TUBGCP3: variants seen among roughly 807,000 people sequenced by gnomAD.
TUBGCP3 encodes the protein tubulin gamma complex component 3, also known as gamma-tubulin complex component 3.
In TUBGCP3, 50 loss-of-function variants were observed where a neutral mutation model predicts 123.1. The ratio of observed to expected loss-of-function variants is 0.41; its 90% CI spans 0.32 to 0.51. TUBGCP3 has a LOEUF of 0.51. TUBGCP3 is among the 20% of genes least tolerant of loss of function. TUBGCP3 has a pLI of 0.36. For missense variants in TUBGCP3, 882 were observed against 1,127.0 expected, an observed-to-expected ratio of 0.78 and a Z score of 3.11; for synonymous variants, 405 against 413.9, an observed-to-expected ratio of 0.98 and a Z score of 0.26.
intron 3 of TUBGCP3, among the ~76,000 whole-genome samples, chr13:112,560,623 A>C (rs1880438284): frequency 6.6e-6 from 1 of 152,250 alleles, no homozygotes; most frequent in Non-Finnish European, 1.5e-5. Context: ...TGCACATGTA[A>C]GTACCTTTAT....
chr13:112,527,085 T>C lies in TUBGCP3; in HGVS notation c.1447-35A>G, dbSNP rs1251656720. 3 of 1,553,960 alleles carry C rather than the reference T, an allele frequency of 1.9e-6. No individual in the cohort carries two copies. In the South Asian group the frequency reaches 3.4e-5, roughly 18 times the overall value. On this transcript the variant is annotated intron_variant, in intron 12 of 21. Transcript: ENST00000261965. The stretch of plus-strand genomic sequence containing the variant: ...AAAACATTCTATGATTACTTTTATG[T>C]AAATTTAAAACGACTGCCCAAATCT...
chr13:112,530,718 G>T lies in TUBGCP3; in HGVS notation c.1336-3234C>A, dbSNP rs1217862376. Among the ~76,000 whole-genome samples, 5 of 151,846 alleles carry T rather than the reference G, an allele frequency of 3.3e-5. No individual in the cohort carries two copies. The South Asian group carries it at 8.3e-4, about 25-fold the overall frequency. ...TCAGAGATCATTTTAATAAGCCTTG[G>T]TGTCAAAAAAAAATTTAATGGCATA... On this transcript the variant is annotated intron_variant, in intron 11 of 21. Transcript: ENST00000261965.
At chr13:112,548,768 A>C (rs1879288035) in intron 8 of TUBGCP3, among the ~76,000 whole-genome samples, 1 of 152,252 alleles carries the variant, frequency 6.6e-6, no homozygotes, top group Non-Finnish European at 1.5e-5. Flanking sequence ...GAGACATGCA[A>C]ATCAAACCAC....
chr13:112,537,687 G>A (rs1280951899), intron 11 of TUBGCP3, among the ~76,000 whole-genome samples: 1 of 152,082 alleles, frequency 6.6e-6, no homozygotes, highest in African/African-American at 2.4e-5. Flanking sequence ...TCTGAGAAGG[G>A]TTGCTGTTAA....
intron 11 of TUBGCP3, among the ~76,000 whole-genome samples, chr13:112,531,383 G>A (rs181450810): frequency 6.6e-5 from 10 of 152,284 alleles, no homozygotes; most frequent in Non-Finnish European, 1.2e-4. Flanking sequence ...TCACGGAGGC[G>A]TCATCGACTT....
At chr13:112,509,430 AG>A (rs1421991379) in intron 17 of TUBGCP3, among the ~76,000 whole-genome samples, 10 of 152,238 alleles carry the variant, frequency 6.6e-5, no homozygotes, top group African/African-American at 2.4e-4. Flanking sequence ...ACGTCAGAGC[AG>A]GCAGTCTGCA....
chr13:112,586,449 G>A (rs1359578348), intron 1 of TUBGCP3, among the ~76,000 whole-genome samples: 1 of 152,070 alleles, frequency 6.6e-6, no homozygotes, highest in African/African-American at 2.4e-5. Context: ...CCTATGACGA[G>A]GAACATGAAA....
chr13:112,527,517 G>T, intron 11 of TUBGCP3, 33 bp from the exon 12 acceptor site: 1 of 1,503,498 alleles, frequency 6.7e-7, no homozygotes, highest in Non-Finnish European at 9.2e-7. Flanking sequence ...ATGTTCAAGA[G>T]TGATATTTAT....
At chr13:112,557,641 G>A (rs759784471) in intron 5 of TUBGCP3, among the ~76,000 whole-genome samples, 10 of 152,220 alleles carry the variant, frequency 6.6e-5, no homozygotes, top group Non-Finnish European at 1.3e-4. Flanking sequence ...TTGATTCTCA[G>A]CTGTAAATCC....
At chr13:112,569,124 A>G in intron 2 of TUBGCP3, 28 bp downstream of exon 2, 2 of 1,608,858 alleles carry the variant, frequency 1.2e-6, no homozygotes, top group Non-Finnish European at 1.7e-6. Context: ...TAAGAATCCA[A>G]CACATGACAT....
chr13:112,488,131 C>CG, intron 21 of TUBGCP3, among the ~76,000 whole-genome samples: 1 of 53,442 alleles, frequency 1.9e-5, no homozygotes, highest in African/African-American at 6.2e-5. Flanking sequence ...GACTTGGTCT[C>CG]AAAAAAAAAA....
At chr13:112,577,621 T>C (rs150568531) in intron 1 of TUBGCP3, among the ~76,000 whole-genome samples, 150 of 152,348 alleles carry the variant, frequency 9.8e-4, no homozygotes, top group Non-Finnish European at 1.4e-3. Context: ...GCTTGATTAA[T>C]ACTAGTGTAT....
intron 11 of TUBGCP3, among the ~76,000 whole-genome samples, chr13:112,533,406 G>A (rs925947669): frequency 6.6e-6 from 1 of 152,182 alleles, no homozygotes; most frequent in African/African-American, 2.4e-5. Context: ...CAGGTCAAAG[G>A]AAAGCCCTGG....
intron 14 of TUBGCP3, among the ~76,000 whole-genome samples, chr13:112,521,283 T>C (rs1020106143): frequency 6.6e-6 from 1 of 152,226 alleles, no homozygotes. Context: ...GCATCAGCTA[T>C]GACTAAGGCA....
At chr13:112,502,260 C>T (rs1379141227) in intron 19 of TUBGCP3, among the ~76,000 whole-genome samples, 1 of 152,210 alleles carries the variant, frequency 6.6e-6, no homozygotes, top group East Asian at 1.9e-4. Flanking sequence ...AGTGAAACTC[C>T]ACCCTCGGTC....
At position 112,499,179 on chromosome 13, in the gene TUBGCP3, A is replaced by G. The variant is rs878954912; in HGVS notation, c.2314T>C (p.Leu772=). Residue 772 remains leucine, a synonymous_variant, in exon 20 of 22, where the codon TTA becomes CTA. Coordinates refer to ENST00000261965, the MANE Select transcript of TUBGCP3 (RefSeq NM_006322.6). ...TCAAACACAGCTCTAAGTTGATTTA[A>G]AAGTGCCTGAAAGAGATGACAATGT... The part of the protein sequence containing the change: ...CLLDSDSRAL[L]NQLRAVFDQI... The G allele has an allele frequency of 1.2e-6, 2 of 1,601,780 alleles. No homozygotes were observed. Among genetic ancestry groups the G allele is most frequent in the Non-Finnish European group, 1.7e-6 (2 of 1,175,608 alleles).
At chr13:112,578,291 G>A (rs1226805092) in intron 1 of TUBGCP3, among the ~76,000 whole-genome samples, 1 of 151,914 alleles carries the variant, frequency 6.6e-6, no homozygotes, top group African/African-American at 2.4e-5. Flanking sequence ...CGGGCGCGGT[G>A]GCTCACGCCT....
intron 11 of TUBGCP3, among the ~76,000 whole-genome samples, chr13:112,541,461 G>A (rs1878509109): frequency 6.7e-6 from 1 of 149,736 alleles, no homozygotes; most frequent in Non-Finnish European, 1.5e-5. Flanking sequence ...AGAATTGCTT[G>A]AACCCAGGAG....
chr13:112,573,997 C>A (rs985735956), intron 1 of TUBGCP3, among the ~76,000 whole-genome samples: 9 of 152,038 alleles, frequency 5.9e-5, no homozygotes, highest in Non-Finnish European at 1.2e-4. Flanking sequence ...CTGCCCAATC[C>A]GCAGAGAATC....
Sources: gnomAD v4.1 joint callset for allele counts (sites outside exome capture counted in the v4.1 genomes callset) on GRCh38, gnomAD v4.1.1 for gene constraint, MANE v1.5 for transcripts, NCBI Gene and HGNC (gene_info 2026-07-23, HGNC 2026-07-21) for gene names.